The following MYO5C variants were observed in gnomAD, a reference collection of about 807,000 sequenced individuals.
The protein encoded by MYO5C is unconventional myosin-Vc.
Under a neutral mutation model 235.7 loss-of-function variants are expected in MYO5C, and 194 were observed. That is an observed-to-expected ratio of 0.82 (90% CI 0.73 to 0.93). The LOEUF (loss-of-function observed/expected upper bound fraction) is 0.93, where lower values mean the gene tolerates loss of function less well. Among genes scored for constraint, MYO5C ranks in the 40% least tolerant of loss-of-function variants. The pLI is 0.00. For missense variants in MYO5C, 2,038 were observed against 2,127.2 expected, an observed-to-expected ratio of 0.96 and a Z score of 0.82; for synonymous variants, 707 against 754.8, an observed-to-expected ratio of 0.94 and a Z score of 1.04.
chr15:52,273,297 T>A (rs947472666), intron 5 of MYO5C, among the ~76,000 whole-genome samples: 30 of 152,240 alleles, frequency 2.0e-4, no homozygotes, highest in African/African-American at 6.8e-4. Flanking sequence ...CACTCCAGCC[T>A]GGGTAACTTA....
Position 52,295,489 on chromosome 15 carries a change from C to G in MYO5C, c.27+121G>C. 6 of 1,206,830 alleles carry G rather than the reference C, an allele frequency of 5.0e-6. No individual in the cohort carries two copies. The South Asian group carries it at 1.2e-4, about 24-fold the overall frequency. The allele number at this position is 1,206,830 out of a possible 1,614,324, so 74.8% of individuals were successfully genotyped here. On this transcript the variant is annotated intron_variant, in intron 1 of 40. Coordinates refer to ENST00000261839, the MANE Select transcript of MYO5C (RefSeq NM_018728.4). The stretch of plus-strand genomic sequence containing the variant: ...GCCTCCGCGGCCCCCAGCGCGCGCC[C>G]GCCCGCCCTGCCGTGTCAGGTGCGC...
intron 29 of MYO5C, among the ~76,000 whole-genome samples, chr15:52,222,609 G>GCACACAC (rs1418627051): frequency 3.3e-5 from 5 of 150,890 alleles, no homozygotes; most frequent in African/African-American, 1.2e-4. Flanking sequence ...CCAGTGGTGG[G>GCACACAC]GACACACGAC....
chr15:52,239,704 A>T, intron 21 of MYO5C, 29 bp downstream of exon 21: 1 of 1,561,900 alleles, frequency 6.4e-7, no homozygotes. Flanking sequence ...AGAAAAAGTA[A>T]ATGTAAAAGA....
At chr15:52,261,877 C>G (rs567849219) in intron 9 of MYO5C, among the ~76,000 whole-genome samples, 4 of 152,174 alleles carry the variant, frequency 2.6e-5, no homozygotes, top group Admixed American at 1.3e-4. Flanking sequence ...GCTCCCCTGC[C>G]GGCACCATTC....
intron 1 of MYO5C, among the ~76,000 whole-genome samples, chr15:52,284,060 GA>G (rs2037213391): frequency 6.6e-6 from 1 of 151,920 alleles, no homozygotes; most frequent in South Asian, 2.1e-4. Flanking sequence ...TTTACAATCA[GA>G]ACAATAAATA....
intron 8 of MYO5C, among the ~76,000 whole-genome samples, chr15:52,268,364 A>T (rs1162970412): frequency 6.6e-6 from 1 of 152,144 alleles, no homozygotes; most frequent in Non-Finnish European, 1.5e-5. Flanking sequence ...GGAGATTGAG[A>T]CCATCTTGGC....
intron 5 of MYO5C, among the ~76,000 whole-genome samples, chr15:52,273,921 C>T (rs1157042603): frequency 6.6e-6 from 1 of 152,106 alleles, no homozygotes; most frequent in African/African-American, 2.4e-5. Context: ...ACCTTTATTC[C>T]AATCCCTACT....
intron 29 of MYO5C, among the ~76,000 whole-genome samples, chr15:52,222,838 T>C (rs903443802): frequency 5.3e-5 from 8 of 152,136 alleles, no homozygotes; most frequent in African/African-American, 1.9e-4. Flanking sequence ...TGGCTAGGAA[T>C]GCACGTCATG....
intron 40 of MYO5C, 36 bp downstream of exon 40, chr15:52,195,341 A>C: frequency 7.4e-7 from 1 of 1,357,868 alleles, no homozygotes; most frequent in Non-Finnish European, 1.0e-6. Context: ...CATAGTTAGG[A>C]AGTAAAATTA....
chr15:52,269,751 A>C lies in MYO5C; in HGVS notation c.940+2T>G. On this transcript the variant is annotated splice_donor_variant, in intron 8 of 40. Coordinates refer to ENST00000261839, the MANE Select transcript of MYO5C (RefSeq NM_018728.4). LOFTEE classifies it high-confidence loss of function. ...ATACTTGGATGGGATATTTTCCCTT[A>C]CCCAGAAGCGTGAAGGTCTTTTGAG... The C allele has an allele frequency of 6.2e-7, 1 of 1,600,154 alleles. No individual in the cohort carries two copies. The highest frequency in any genetic ancestry group is 1.1e-5 in the South Asian group (1 of 90,754).
At chr15:52,266,445 C>T (rs1422321350) in intron 8 of MYO5C, among the ~76,000 whole-genome samples, 1 of 152,222 alleles carries the variant, frequency 6.6e-6, no homozygotes, top group Non-Finnish European at 1.5e-5. Flanking sequence ...ATCAAAATGC[C>T]TCCCCTCGCG....
chr15:52,259,447 G>T (rs1369964307), intron 10 of MYO5C, among the ~76,000 whole-genome samples: 1 of 148,690 alleles, frequency 6.7e-6, no homozygotes, highest in African/African-American at 2.5e-5. Flanking sequence ...AAAAAAGAAA[G>T]AAATAATATA....
At chr15:52,262,377 C>A (rs550451700) in intron 9 of MYO5C, among the ~76,000 whole-genome samples, 2 of 152,248 alleles carry the variant, frequency 1.3e-5, no homozygotes, top group African/African-American at 4.8e-5. Context: ...AGAAGCTTCA[C>A]GGGAGAGGGC....
At chr15:52,283,251 C>T (rs2037197366) in intron 1 of MYO5C, among the ~76,000 whole-genome samples, 1 of 152,242 alleles carries the variant, frequency 6.6e-6, no homozygotes, top group African/African-American at 2.4e-5. Flanking sequence ...CTGGGCCAGA[C>T]ACTTAACTTC....
intron 1 of MYO5C, among the ~76,000 whole-genome samples, chr15:52,289,424 G>A (rs747638591): frequency 7.2e-5 from 11 of 152,102 alleles, no homozygotes; most frequent in African/African-American, 1.4e-4. Context: ...TGATGCCGAC[G>A]CTCCTCCTTC....
At chr15:52,275,510 C>G (rs1399733492) in intron 5 of MYO5C, 52 bp downstream of exon 5, 1 of 1,608,670 alleles carries the variant, frequency 6.2e-7, no homozygotes, top group East Asian at 2.2e-5. Context: ...ACAAACCAAC[C>G]AACCCCCATT....
At chr15:52,248,651 T>A in intron 14 of MYO5C, 49 bp downstream of exon 14, 1 of 1,270,018 alleles carries the variant, frequency 7.9e-7, no homozygotes, top group Non-Finnish European at 1.2e-6. Flanking sequence ...TACATCTAGA[T>A]CCATGTCAAT....
chr15:52,247,306 G>T, intron 15 of MYO5C, 152 bp downstream of exon 15: 1 of 924,462 alleles, frequency 1.1e-6, no homozygotes, highest in Non-Finnish European at 1.7e-6. Context: ...GTATGACGAC[G>T]ATGAACTTTT....
At chr15:52,262,552 T>C (rs536787213) in intron 9 of MYO5C, among the ~76,000 whole-genome samples, 1 of 152,290 alleles carries the variant, frequency 6.6e-6, no homozygotes, top group African/African-American at 2.4e-5. Flanking sequence ...TCGTCACCTC[T>C]CTCCCTGCTT....
Sources: gnomAD v4.1 joint callset for allele counts (sites outside exome capture counted in the v4.1 genomes callset) on GRCh38, gnomAD v4.1.1 for gene constraint, MANE v1.5 for transcripts, NCBI Gene and HGNC (gene_info 2026-07-23, HGNC 2026-07-21) for gene names.